CTNNA3: variants seen among roughly 807,000 people sequenced by gnomAD.
CTNNA3 encodes catenin alpha 3.
Under a neutral mutation model 95.7 loss-of-function variants are expected in CTNNA3, and 76 were observed. That is an observed-to-expected ratio of 0.79 (90% CI 0.66 to 0.96). The LOEUF is 0.96. Ranked by LOEUF, CTNNA3 falls within the 40% of genes least tolerant of loss-of-function variation. CTNNA3 has a pLI of 0.00. For missense variants in CTNNA3, 1,191 were observed against 1,089.8 expected (o/e 1.09, Z -1.31); for synonymous variants, 431 against 374.4 (o/e 1.15, Z -1.74).
intron 1 of CTNNA3, among the ~76,000 whole-genome samples, chr10:67,677,642 G>A (rs972581575): frequency 2.0e-5 from 3 of 152,088 alleles, no homozygotes; most frequent in African/African-American, 7.2e-5. Context: ...GTAGCCAGGG[G>A]TGTTTCCTAG....
Position 66,835,638 on chromosome 10 carries a change from T to G in CTNNA3, c.1048-60114A>C, listed in dbSNP as rs553750286. ...CACCCCCACCACCACCCACTGTGGG[T>G]GCTATAATTAGCAATCTGTGGAGGA... On this transcript the variant is annotated intron_variant, in intron 7 of 17. Transcript: ENST00000433211. Among the ~76,000 whole-genome samples the G allele has an allele frequency of 7.4e-4, 112 of 152,326 alleles. 1 individual carries two copies. Among genetic ancestry groups the G allele is most frequent in the Non-Finnish European group, 1.5e-3 (100 of 68,018 alleles).
chr10:66,461,901 C>G (rs550754610), intron 11 of CTNNA3, among the ~76,000 whole-genome samples: 1 of 151,224 alleles, frequency 6.6e-6, no homozygotes, highest in South Asian at 2.1e-4. Context: ...CAACCTCCGC[C>G]TCCCAGGTTC....
intron 5 of CTNNA3, among the ~76,000 whole-genome samples, chr10:67,241,383 AC>A (rs765087029): frequency 4.2e-4 from 64 of 152,180 alleles, no homozygotes; most frequent in Non-Finnish European, 8.1e-4. Context: ...AGATCATGCC[AC>A]TGCCCTCTAG....
At chr10:66,345,226 A>G (rs1261685422) in intron 12 of CTNNA3, among the ~76,000 whole-genome samples, 1 of 152,162 alleles carries the variant, frequency 6.6e-6, no homozygotes, top group East Asian at 1.9e-4. Flanking sequence ...GCCAGGAGAT[A>G]CAATAAAGGC....
chr10:66,849,835 C>T (rs1488479020), intron 7 of CTNNA3, among the ~76,000 whole-genome samples: 5 of 152,160 alleles, frequency 3.3e-5, no homozygotes, highest in African/African-American at 1.2e-4. Flanking sequence ...TACTTTGTTA[C>T]TACAGCCCTA....
intron 10 of CTNNA3, among the ~76,000 whole-genome samples, chr10:66,601,586 T>C (rs1026026163): frequency 6.6e-6 from 1 of 151,934 alleles, no homozygotes; most frequent in East Asian, 1.9e-4. Flanking sequence ...GCACACTGTC[T>C]GTTATACTAA....
intron 13 of CTNNA3, among the ~76,000 whole-genome samples, chr10:66,137,527 T>G (rs929865773): frequency 3.9e-5 from 6 of 152,002 alleles, no homozygotes; most frequent in African/African-American, 1.4e-4. Flanking sequence ...AAAACAATAC[T>G]TAGAGAAATT....
intron 5 of CTNNA3, among the ~76,000 whole-genome samples, chr10:67,357,936 G>A (rs1426796419): frequency 1.3e-5 from 2 of 152,020 alleles, no homozygotes; most frequent in Non-Finnish European, 2.9e-5. Flanking sequence ...GTTGAATATA[G>A]ACATATAAAT....
At position 67,075,525 on chromosome 10, in the gene CTNNA3, G is replaced by A. The variant is rs567904999; in HGVS notation, c.1047+104792C>T. Reference sequence around the variant, plus strand: ...TTGGAAATACTTAAGATTCTCCAACGTCACGAGACTACATACTTGCAGTTC... The same window carrying A: ...TTGGAAATACTTAAGATTCTCCAACATCACGAGACTACATACTTGCAGTTC... On this transcript the variant is annotated intron_variant, in intron 7 of 17. Transcript: ENST00000433211. Among the ~76,000 whole-genome samples the A allele has an allele frequency of 4.6e-5, 7 of 152,130 alleles. 1 individual carries two copies. Among genetic ancestry groups the A allele is most frequent in the Admixed American group, 2.0e-4 (3 of 15,270 alleles).
chr10:66,291,491 C>T (rs1198233381), intron 12 of CTNNA3, among the ~76,000 whole-genome samples: 2 of 152,028 alleles, frequency 1.3e-5, no homozygotes, highest in East Asian at 1.9e-4. Context: ...GTTGGCTCCC[C>T]GAATACTCAC....
chr10:66,904,991 T>C (rs1845922364), intron 7 of CTNNA3, among the ~76,000 whole-genome samples: 2 of 152,122 alleles, frequency 1.3e-5, no homozygotes, highest in Non-Finnish European at 2.9e-5. Flanking sequence ...GAAGTAGAAA[T>C]GCCATTTGAC....
chr10:67,607,350 T>C (rs899519930), intron 2 of CTNNA3, among the ~76,000 whole-genome samples: 3 of 148,884 alleles, frequency 2.0e-5, no homozygotes, highest in African/African-American at 7.8e-5. Context: ...AGAGAGACGA[T>C]AGTGTTATTT....
At chr10:66,242,381 T>C (rs10997000) in intron 13 of CTNNA3, among the ~76,000 whole-genome samples, 32,245 of 151,880 alleles carry the variant, frequency 0.21, 3,607 homozygotes, top group South Asian at 0.29. Context: ...ATTAAGAAAA[T>C]GGAGAAGCAA....
intron 17 of CTNNA3, among the ~76,000 whole-genome samples, chr10:65,948,503 CAA>C (rs34251182): frequency 0.13 from 19,324 of 151,804 alleles, 1,521 homozygotes; most frequent in South Asian, 0.25. Flanking sequence ...TCAAATATTG[CAA>C]AGAGACAACT....
intron 7 of CTNNA3, among the ~76,000 whole-genome samples, chr10:66,868,191 T>C (rs1844256702): frequency 6.7e-6 from 1 of 148,216 alleles, no homozygotes; most frequent in Non-Finnish European, 1.5e-5. Flanking sequence ...ACCCCATCTC[T>C]ACTAAAAATA....
chr10:66,139,478 A>G (rs1168796322), intron 13 of CTNNA3, among the ~76,000 whole-genome samples: 7 of 152,078 alleles, frequency 4.6e-5, no homozygotes, highest in Non-Finnish European at 8.8e-5. Flanking sequence ...TCTTGATTCA[A>G]TTTATTATTA....
At chr10:67,564,674 T>A (rs547209583) in intron 3 of CTNNA3, among the ~76,000 whole-genome samples, 6,454 of 77,850 alleles carry the variant, frequency 0.083, 406 homozygotes, top group African/African-American at 0.24. Flanking sequence ...TGTGTGTGTG[T>A]GTGTATATAT....
At chr10:67,080,595 T>C (rs1856996490) in intron 7 of CTNNA3, among the ~76,000 whole-genome samples, 1 of 152,172 alleles carries the variant, frequency 6.6e-6, no homozygotes, top group South Asian at 2.1e-4. Context: ...ATCTTCATCA[T>C]CTTATAGATG....
intron 7 of CTNNA3, among the ~76,000 whole-genome samples, chr10:66,978,539 A>ATAAAATAAAAATAAAAAAAAT (rs1850202876): frequency 9.5e-6 from 1 of 104,882 alleles, no homozygotes; most frequent in South Asian, 3.3e-4. Flanking sequence ...AAAAAAAAAA[A>ATAAAATAAAAATAAAAAAAAT]AAAAAAAAAA....
Sources: gnomAD v4.1 joint callset for allele counts (sites outside exome capture counted in the v4.1 genomes callset) on GRCh38, gnomAD v4.1.1 for gene constraint, MANE v1.5 for transcripts, NCBI Gene and HGNC (gene_info 2026-07-23, HGNC 2026-07-21) for gene names.